The following PTPRA variants were observed in gnomAD, a reference collection of about 807,000 sequenced individuals.
The protein encoded by PTPRA is protein tyrosine phosphatase receptor type A.
Under a neutral mutation model 104.8 loss-of-function variants are expected in PTPRA, and 25 were observed. That is an observed-to-expected ratio of 0.24 (90% CI 0.17 to 0.33). PTPRA has a LOEUF of 0.33. PTPRA is among the 10% of genes least tolerant of loss of function. PTPRA has a pLI of 1.00. For synonymous variants in PTPRA, 323 were observed against 368.9 expected (o/e 0.88, Z 1.43); for missense variants, 765 against 1,015.3 (o/e 0.75, Z 3.35).
chr20:3,017,985 G>C, intron 13 of PTPRA, 72 bp downstream of exon 13: 1 of 1,320,340 alleles, frequency 7.6e-7, no homozygotes, highest in South Asian at 1.2e-5. Flanking sequence ...AAGCCTGGCT[G>C]TCTATCCTTT....
intron 2 of PTPRA, among the ~76,000 whole-genome samples, chr20:2,942,914 T>C (rs2060973280): frequency 6.6e-6 from 1 of 152,014 alleles, no homozygotes; most frequent in Admixed American, 6.6e-5. Flanking sequence ...TGTGATAAAG[T>C]TTAATTTATA....
At chr20:3,027,233 C>T in intron 19 of PTPRA, 36 bp downstream of exon 19, 2 of 1,592,472 alleles carry the variant, frequency 1.3e-6, no homozygotes, top group Non-Finnish European at 1.7e-6. Context: ...CCCCCAACAC[C>T]CCGTGGAGAT....
intron 2 of PTPRA, among the ~76,000 whole-genome samples, chr20:2,942,803 T>C (rs960957618): frequency 6.6e-6 from 1 of 151,670 alleles, no homozygotes; most frequent in African/African-American, 2.4e-5. Context: ...ACATATAATA[T>C]AATTACAGTA....
chr20:2,917,139 T>C (rs1371528631), intron 1 of PTPRA, among the ~76,000 whole-genome samples: 1 of 151,894 alleles, frequency 6.6e-6, no homozygotes, highest in Non-Finnish European at 1.5e-5. Context: ...GTATTTTTAG[T>C]AGAGATGGGG....
rs536987685 is a variant in PTPRA at position 3,018,673 on chromosome 20, C to T, written c.1041+760C>T. Among the ~76,000 whole-genome samples the T allele has an allele frequency of 2.6e-5, 4 of 151,668 alleles. No individual in the cohort carries two copies. The South Asian group carries it at 8.4e-4, about 32-fold the overall frequency. On this transcript the variant is annotated intron_variant, in intron 13 of 23. Transcript: ENST00000399903. ...TCCGATTTCTCAATCTTTTCCCCAC[C>T]TTTCCCCCCTTTCTATTCCACAAAA... is the stretch of plus-strand genomic sequence containing the variant.
intron 1 of PTPRA, among the ~76,000 whole-genome samples, chr20:2,885,303 T>C (rs1204199822): frequency 6.6e-6 from 1 of 152,212 alleles, no homozygotes; most frequent in Non-Finnish European, 1.5e-5. Flanking sequence ...GATCTGACTG[T>C]GATTTTGTTG....
At chr20:2,955,007 C>A (rs1183203904) in intron 3 of PTPRA, among the ~76,000 whole-genome samples, 1 of 152,188 alleles carries the variant, frequency 6.6e-6, no homozygotes, top group Non-Finnish European at 1.5e-5. Context: ...GAGTCTGTTA[C>A]TGGTTCTATA....
intron 5 of PTPRA, among the ~76,000 whole-genome samples, chr20:2,971,621 G>A (rs1472877905): frequency 6.6e-6 from 1 of 152,134 alleles, no homozygotes; most frequent in African/African-American, 2.4e-5. Flanking sequence ...TCTTGTATCT[G>A]ACACTAAGGA....
intron 9 of PTPRA, among the ~76,000 whole-genome samples, chr20:2,991,815 T>C (rs1485014530): frequency 1.3e-5 from 2 of 152,250 alleles, no homozygotes; most frequent in Non-Finnish European, 2.9e-5. Context: ...GAGTGCCATC[T>C]TGTGAGCATT....
At chr20:2,914,989 G>A (rs1193958429) in intron 1 of PTPRA, among the ~76,000 whole-genome samples, 1 of 151,886 alleles carries the variant, frequency 6.6e-6, no homozygotes, top group Non-Finnish European at 1.5e-5. Flanking sequence ...TTTACTTAGC[G>A]CCACATATTT....
At chr20:2,870,436 C>T (rs2089415035), upstream of PTPRA, among the ~76,000 whole-genome samples, 2 of 152,056 alleles carry the variant, frequency 1.3e-5, no homozygotes, top group South Asian at 2.1e-4. Context: ...CTCTCATTTA[C>T]TTCACCTTTC....
chr20:3,025,508 G>A (rs1568705298), intron 17 of PTPRA, among the ~76,000 whole-genome samples: 2 of 151,406 alleles, frequency 1.3e-5, no homozygotes, highest in Non-Finnish European at 2.9e-5. Flanking sequence ...GGGTTGGGGT[G>A]GGGAGGACCA....
At chr20:2,987,860 C>T (rs965253227) in intron 7 of PTPRA, 172 bp from the exon 8 acceptor site, 19 of 749,768 alleles carry the variant, frequency 2.5e-5, no homozygotes, top group African/African-American at 1.4e-4. Flanking sequence ...CCGAGGTACT[C>T]GGTCACCCCA....
chr20:2,864,362 C>A, the PTPRA span: 6 of 1,614,184 alleles, frequency 3.7e-6, no homozygotes, highest in Admixed American at 5.0e-5. This position sits in a 1 kb window ranked among gnomAD's most constrained non-coding sequence, Gnocchi z 5.2. Flanking sequence ...TACTCTCCTG[C>A]AGTGTTCACG....
At chr20:2,918,581 C>A (rs1018352574) in intron 1 of PTPRA, among the ~76,000 whole-genome samples, 6 of 152,178 alleles carry the variant, frequency 3.9e-5, no homozygotes, top group Admixed American at 1.3e-4. Flanking sequence ...GAGGGTCTGC[C>A]ATATCCACAA....
At chr20:3,032,150 C>T (rs1281205759) in intron 20 of PTPRA, among the ~76,000 whole-genome samples, 3 of 152,160 alleles carry the variant, frequency 2.0e-5, no homozygotes, top group East Asian at 1.9e-4. Flanking sequence ...ACACTGTCAT[C>T]CTCCCACCCC....
At chr20:2,947,544 A>C (rs1043211551) in intron 2 of PTPRA, among the ~76,000 whole-genome samples, 1 of 152,114 alleles carries the variant, frequency 6.6e-6, no homozygotes, top group Non-Finnish European at 1.5e-5. Context: ...CCCTGCTCAT[A>C]AAAGGTCCTT....
intron 2 of PTPRA, among the ~76,000 whole-genome samples, chr20:2,939,233 G>T (rs1259715067): frequency 6.6e-6 from 1 of 152,114 alleles, no homozygotes; most frequent in East Asian, 1.9e-4. Flanking sequence ...GCACTTTTAG[G>T]ATTTCATACA....
At chr20:2,936,145 C>G (rs760676249) in intron 2 of PTPRA, among the ~76,000 whole-genome samples, 1 of 152,004 alleles carries the variant, frequency 6.6e-6, no homozygotes, top group Non-Finnish European at 1.5e-5. Context: ...AGCCATGAGC[C>G]CCTGCACCCA....
Sources: allele counts gnomAD v4.1 joint callset (sites outside exome capture counted in the v4.1 genomes callset), GRCh38; gene constraint gnomAD v4.1.1; non-coding constraint Gnocchi (gnomAD v3.1); transcripts MANE v1.5; gene names NCBI Gene and HGNC (gene_info 2026-07-23, HGNC 2026-07-21).